Variants in SCYL1 observed in about 807,000 individuals in gnomAD.
The protein encoded by SCYL1 is N-terminal kinase-like protein.
In SCYL1, 85 loss-of-function variants were observed where a neutral mutation model predicts 94.8. The observed-to-expected ratio is 0.90, with a 90% confidence interval of 0.75 to 1.07. SCYL1 has a LOEUF of 1.07. Ranked by LOEUF, SCYL1 falls within the 50% of genes least tolerant of loss-of-function variation. The probability of loss-of-function intolerance (pLI) is 0.00; values close to 1 mark genes in which losing one functional copy is unlikely to be tolerated. For missense variants in SCYL1, 968 were observed against 1,083.3 expected, an observed-to-expected ratio of 0.89 and a Z score of 1.49; for synonymous variants, 459 against 435.5, an observed-to-expected ratio of 1.05 and a Z score of -0.67.
intron 7 of SCYL1, 67 bp from the exon 8 acceptor site, chr11:65,531,509 T>G: frequency 8.1e-7 from 1 of 1,232,104 alleles, no homozygotes. Context: ...GCCCCAGGAA[T>G]TTAGATAAGC....
intron 7 of SCYL1, among the ~76,000 whole-genome samples, 178 bp downstream of exon 7, chr11:65,530,965 C>T (rs533174804): frequency 2.0e-5 from 3 of 152,178 alleles, no homozygotes; most frequent in South Asian, 2.1e-4. Context: ...GAGACTCTGC[C>T]GCTAAAATCC....
At position 65,535,261 on chromosome 11, in the gene SCYL1, C is replaced by A. The variant is rs779221847; in HGVS notation, c.1265C>A (p.Ala422Asp). The change falls in exon 10 of 18, where the codon GCC (alanine) becomes GAC (aspartate). Residue 422 changes from alanine (A) to aspartate (D), a missense_variant. Coordinates refer to ENST00000270176, the MANE Select transcript of SCYL1 (RefSeq NM_020680.4). ...MLLLAPKLNE[A>D]NLNVELMKHF... ...CTCCTGGCCCCAAAGCTGAACGAGG[C>A]CAACCTCAATGTGGAGCTGATGAAG... is the stretch of plus-strand genomic sequence containing the variant. 2 of 1,614,214 alleles carry A rather than the reference C, an allele frequency of 1.2e-6. No individual in the cohort carries two copies. The highest frequency in any genetic ancestry group is 1.7e-6 in the Non-Finnish European group (2 of 1,180,026).
At chr11:65,537,709 C>T in intron 14 of SCYL1, 100 bp from the exon 15 acceptor site, 1 of 1,058,900 alleles carries the variant, frequency 9.4e-7, no homozygotes. Context: ...AGGAGGAAGG[C>T]AAAAGACAGT....
At chr11:65,530,905 C>T (rs1855330273) in intron 7 of SCYL1, 118 bp downstream of exon 7, 1 of 1,132,174 alleles carries the variant, frequency 8.8e-7, no homozygotes, top group East Asian at 2.5e-5. Context: ...GCAGGAGCTT[C>T]CTGCCAGTGT....
intron 9 of SCYL1, among the ~76,000 whole-genome samples, chr11:65,534,490 T>C (rs1855547225): frequency 6.6e-6 from 1 of 152,130 alleles, no homozygotes; most frequent in South Asian, 2.1e-4. Context: ...AGTTGCTATT[T>C]ACTGAGATGA....
chr11:65,532,602 G>A, intron 8 of SCYL1, 90 bp from the exon 9 acceptor site: 2 of 1,065,290 alleles, frequency 1.9e-6, no homozygotes, highest in Non-Finnish European at 2.8e-6. Flanking sequence ...TGCCTGCTGG[G>A]TGGAAAAGCT....
At chr11:65,529,562 C>T (rs543856469) in intron 6 of SCYL1, among the ~76,000 whole-genome samples, 3 of 152,346 alleles carry the variant, frequency 2.0e-5, no homozygotes, top group South Asian at 2.1e-4. Context: ...CGGCCTCCCA[C>T]GCTGGTCTGA....
chr11:65,537,709 CAA>C (rs1045110349), intron 14 of SCYL1, 98 bp from the exon 15 acceptor site: 1 of 1,058,900 alleles, frequency 9.4e-7, no homozygotes, highest in Non-Finnish European at 1.3e-6. Flanking sequence ...AGGAGGAAGG[CAA>C]AAGACAGTGG....
rs780639339 is a variant in SCYL1, at chr11:65,532,810, G to A, written c.1230+5G>A. The A allele has an allele frequency of 6.2e-7, 1 of 1,610,772 alleles. No individual in the cohort carries two copies. Among genetic ancestry groups the A allele is most frequent in the South Asian group, 1.1e-5 (1 of 90,998 alleles). ...ATCCGGGAGCAGACGGTCAAGGTGG[G>A]TGTGGCCAGGCCCAGAGTGGCTACC... On this transcript the variant is annotated splice_donor_5th_base_variant and intron_variant, in intron 9 of 17. Coordinates refer to ENST00000270176, the MANE Select transcript of SCYL1 (RefSeq NM_020680.4).
chr11:65,537,215 G>C (rs1461624454), intron 14 of SCYL1, 87 bp downstream of exon 14: 1 of 1,459,484 alleles, frequency 6.9e-7, no homozygotes, highest in Admixed American at 1.8e-5. Flanking sequence ...GGCCTGGCTG[G>C]AGTTGGCCTG....
chr11:65,537,717 A>C, intron 14 of SCYL1, 92 bp from the exon 15 acceptor site: 1 of 1,123,900 alleles, frequency 8.9e-7, no homozygotes. Flanking sequence ...GGCAAAAGAC[A>C]GTGGTGGGGC....
chr11:65,527,337 G>A (rs1275691592), intron 6 of SCYL1, among the ~76,000 whole-genome samples: 4 of 152,078 alleles, frequency 2.6e-5, no homozygotes, highest in Non-Finnish European at 5.9e-5. Context: ...TCCCTAATCC[G>A]AAAATGCATG....
intron 6 of SCYL1, among the ~76,000 whole-genome samples, chr11:65,529,790 A>G (rs1002640248): frequency 2.8e-4 from 43 of 152,184 alleles, no homozygotes; most frequent in African/African-American, 1.0e-3. Flanking sequence ...TTTGAAGGGT[A>G]CAGCACAGGA....
rs1349726565 is a variant in SCYL1, at chr11:65,527,016, G to A, written c.748G>A (p.Val250Met). 6.2e-7 allele frequency: 1 copy of A among 1,613,408 alleles called. No individual in the cohort carries two copies. Among genetic ancestry groups the A allele is most frequent in the African/African-American group, 1.3e-5 (1 of 74,892 alleles). Residue 250 changes from valine to methionine, a missense_variant, in exon 6 of 18, where the codon GTG becomes ATG. Val to Met is a conservative substitution (Grantham distance 21). This residue lies in a region of SCYL1 where 494 missense variants were observed against 619.7 expected (regional missense o/e 0.80). Transcript: ENST00000270176. ...YCELVGANPKVRPNPARFLQN... is the reference protein window; with the variant it reads ...YCELVGANPKMRPNPARFLQN... ...TGAGCTGGTGGGAGCAAACCCCAAG[G>A]TGCGTCCCAACCCAGCCCGCTTCCT...
rs2135110544 is a variant in SCYL1, at chr11:65,538,591, TG to T, written c.*26del. The T allele has an allele frequency of 6.2e-7, 1 of 1,603,118 alleles. No homozygotes were observed. Among genetic ancestry groups the T allele is most frequent in the Non-Finnish European group, 8.5e-7 (1 of 1,175,120 alleles). On this transcript the variant is annotated 3_prime_UTR_variant, in exon 18 of 18. Coordinates refer to ENST00000270176, the MANE Select transcript of SCYL1 (RefSeq NM_020680.4). ...AACCGTGGCGGTGGCCCTTCCCGGC[TG>T]CGGAGAGCCCGCCCCACAGATGTAT... is the stretch of plus-strand genomic sequence containing the variant.
intron 9 of SCYL1, among the ~76,000 whole-genome samples, chr11:65,534,785 G>T (rs1251095663): frequency 1.3e-5 from 2 of 152,190 alleles, no homozygotes; most frequent in South Asian, 2.1e-4. Context: ...GAACCAGGAG[G>T]GGGTGGTGTC....
chr11:65,537,223 C>T, intron 14 of SCYL1, 95 bp downstream of exon 14: 2 of 1,377,048 alleles, frequency 1.5e-6, no homozygotes, highest in South Asian at 2.5e-5. Flanking sequence ...TGGAGTTGGC[C>T]TGTCCTCATC....
chr11:65,538,236 TG>T (rs1565082232), intron 16 of SCYL1, 33 bp from the exon 17 acceptor site: 6 of 1,554,668 alleles, frequency 3.9e-6, no homozygotes, highest in Non-Finnish European at 4.4e-6. Flanking sequence ...CAGCCAGAAG[TG>T]GGCCCCACTG....
rs1191599435 is a variant in SCYL1, at chr11:65,531,634, A to G, written c.1067A>G (p.Lys356Arg). The stretch of plus-strand genomic sequence containing the variant: ...CAGAAGATCATCCCTGTGGTGGTCA[A>G]GATGTTCTCATCCACTGACCGGGCC... ...YQQKIIPVVV[K>R]MFSSTDRAMR... The change falls in exon 8 of 18, where the codon AAG (lysine) becomes AGG (arginine). Residue 356 changes from lysine (K) to arginine (R), a missense_variant. This residue lies in a region of SCYL1 where 494 missense variants were observed against 619.7 expected (regional missense o/e 0.80). Transcript: ENST00000270176. 3.1e-6 allele frequency: 5 copies of G among 1,613,936 alleles called. No homozygotes were observed. Among genetic ancestry groups the G allele is most frequent in the Admixed American group, 3.3e-5 (2 of 60,002 alleles).
Sources: gnomAD v4.1 joint callset for allele counts (sites outside exome capture counted in the v4.1 genomes callset) on GRCh38, gnomAD v4.1.1 for gene constraint, gnomAD v4.1.1 regional missense constraint, MANE v1.5 for transcripts, NCBI Gene and HGNC (gene_info 2026-07-23, HGNC 2026-07-21) for gene names.